IFT74: variants seen among roughly 807,000 people sequenced by gnomAD.
The protein encoded by IFT74 is intraflagellar transport protein 74 homolog.
Under a neutral mutation model 96.7 loss-of-function variants are expected in IFT74, and 92 were observed. The observed-to-expected ratio is 0.95, with a 90% CI of 0.80 to 1.13. The LOEUF is 1.13. IFT74 is among the 50% of genes most tolerant of loss of function. The pLI, the probability that IFT74 is intolerant of heterozygous loss-of-function variation, is 0.00. For synonymous variants in IFT74, 223 were observed against 213.2 expected (o/e 1.05, Z -0.40); for missense variants, 811 against 698.2 (o/e 1.16, Z -1.82).
chr9:26,969,965 T>C (rs996604735), intron 2 of IFT74, among the ~76,000 whole-genome samples: 26 of 152,210 alleles, frequency 1.7e-4, no homozygotes, highest in African/African-American at 5.8e-4. Flanking sequence ...TTGTTTTGTT[T>C]TGTTTTTTGG....
rs1820557524 is a variant in IFT74 at position 27,064,754 on chromosome 9, T to A, written c.*2018T>A. 6.6e-6 allele frequency among the ~76,000 whole-genome samples: 1 copy of A among 152,152 alleles called. No individual in the cohort carries two copies. Among genetic ancestry groups the A allele is most frequent in the African/African-American group, 2.4e-5 (1 of 41,464 alleles). On this transcript the variant is annotated 3_prime_UTR_variant, in exon 20 of 20. Transcript: ENST00000380062. ...TTTACTTTTTCCTTAGGTTTTTTTT[T>A]ATGATTTCTACTTAAGTGTTCTTGA... is the stretch of plus-strand genomic sequence containing the variant.
In IFT74 at chr9:26,969,565, T is replaced by A. The variant is rs570790558; in HGVS notation, c.120+7478T>A. 2.8e-3 allele frequency among the ~76,000 whole-genome samples: 420 copies of A among 152,238 alleles called. 1 individual carries two copies. Among genetic ancestry groups the A allele is most frequent in the Non-Finnish European group, 5.1e-3 (349 of 67,976 alleles). The stretch of plus-strand genomic sequence containing the variant: ...AAGTGAATATTTCAATTCATTTACA[T>A]TACATTCACAGTTAATAATGATATG... On this transcript the variant is annotated intron_variant, in intron 2 of 19. Transcript: ENST00000380062.
chr9:26,988,035 C>T (rs1827709813), intron 6 of IFT74, among the ~76,000 whole-genome samples: 1 of 152,072 alleles, frequency 6.6e-6, no homozygotes, highest in African/African-American at 2.4e-5. Flanking sequence ...TCACCGCAAC[C>T]TCTGCTTCCC....
chr9:27,045,868 C>G (rs1271490404), intron 14 of IFT74, among the ~76,000 whole-genome samples: 1 of 151,912 alleles, frequency 6.6e-6, no homozygotes, highest in Non-Finnish European at 1.5e-5. Context: ...TTTTTTAAGT[C>G]TTTTGGTAAA....
upstream of IFT74, among the ~76,000 whole-genome samples, chr9:26,955,343 G>A (rs1409199801): frequency 6.6e-6 from 1 of 152,120 alleles, no homozygotes; most frequent in African/African-American, 2.4e-5. Flanking sequence ...TACTGCGGCT[G>A]TCACCCTTAC....
At chr9:26,997,296 T>G (rs1828209468) in intron 8 of IFT74, among the ~76,000 whole-genome samples, 1 of 151,870 alleles carries the variant, frequency 6.6e-6, no homozygotes, top group Non-Finnish European at 1.5e-5. Context: ...TAGTGTTTCT[T>G]CCTGTTTTGC....
intron 6 of IFT74, among the ~76,000 whole-genome samples, chr9:26,988,256 A>G (rs991593829): frequency 6.6e-6 from 1 of 152,042 alleles, no homozygotes; most frequent in African/African-American, 2.4e-5. Context: ...CCGGCTTACT[A>G]GTGTAAATTT....
chr9:26,954,680 G>A (rs1368531467), upstream of IFT74, among the ~76,000 whole-genome samples: 1 of 151,364 alleles, frequency 6.6e-6, no homozygotes, highest in Admixed American at 6.6e-5. Context: ...CAGGACTTTG[G>A]ACAGTGAAAA....
chr9:26,996,475 C>A, intron 8 of IFT74: 18 of 1,506,018 alleles, frequency 1.2e-5, no homozygotes, highest in Non-Finnish European at 1.5e-5. Flanking sequence ...GTTGGGGTAG[C>A]TACACATGGT....
intron 8 of IFT74, chr9:26,997,958 T>A: frequency 6.2e-7 from 1 of 1,613,902 alleles, no homozygotes; most frequent in East Asian, 2.2e-5. Flanking sequence ...CTGTTTTAGT[T>A]TATTTAAGCC....
intron 4 of IFT74, among the ~76,000 whole-genome samples, chr9:26,981,377 G>A (rs146856046): frequency 0.04 from 6,072 of 151,878 alleles, 203 homozygotes; most frequent in South Asian, 0.13. Flanking sequence ...TTCCCAAAGT[G>A]CTGGGATTAT....
At chr9:27,033,575 A>G (rs893942814) in intron 13 of IFT74, among the ~76,000 whole-genome samples, 1 of 137,262 alleles carries the variant, frequency 7.3e-6, no homozygotes, top group Non-Finnish European at 1.5e-5. Context: ...CCCTGTCTCA[A>G]AAAAAAAAAA....
At chr9:27,036,860 G>T (rs1437995728) in intron 13 of IFT74, 1 of 1,013,586 alleles carries the variant, frequency 9.9e-7, no homozygotes, top group Non-Finnish European at 1.2e-6. Flanking sequence ...GCTGACATTT[G>T]TGGAAGTTTT....
chr9:26,980,679 CAAAAT>C, intron 4 of IFT74, 60 bp downstream of exon 4: 1 of 1,068,448 alleles, frequency 9.4e-7, no homozygotes. Flanking sequence ...TACCTTCTGT[CAAAAT>C]AGAGTATATA....
intron 12 of IFT74, among the ~76,000 whole-genome samples, chr9:27,028,289 A>G (rs997191918): frequency 6.6e-6 from 1 of 152,118 alleles, no homozygotes. Context: ...CTCATTTTTG[A>G]GACTAATTTT....
chr9:26,968,063 T>C (rs1287359620), intron 2 of IFT74, among the ~76,000 whole-genome samples: 1 of 140,758 alleles, frequency 7.1e-6, no homozygotes, highest in Non-Finnish European at 1.5e-5. Context: ...TCATATGTCT[T>C]GTCTTTTTTT....
chr9:26,980,704 T>A, intron 4 of IFT74, 85 bp downstream of exon 4: 1 of 855,902 alleles, frequency 1.2e-6, no homozygotes, highest in East Asian at 2.6e-5. Context: ...AACTTTAATA[T>A]GAAGTTTTAG....
chr9:27,038,648 G>A (rs1235481552), intron 13 of IFT74, among the ~76,000 whole-genome samples: 2 of 152,168 alleles, frequency 1.3e-5, no homozygotes, highest in Non-Finnish European at 2.9e-5. Context: ...GGGTGACTTC[G>A]AGGAACACAT....
At chr9:26,971,357 G>C (rs1459824509) in intron 2 of IFT74, among the ~76,000 whole-genome samples, 2 of 152,000 alleles carry the variant, frequency 1.3e-5, no homozygotes, top group African/African-American at 4.8e-5. Flanking sequence ...TGTAAATTCT[G>C]ATACACCCAT....
Sources: gnomAD v4.1 joint callset for allele counts (sites outside exome capture counted in the v4.1 genomes callset) on GRCh38, gnomAD v4.1.1 for gene constraint, MANE v1.5 for transcripts, NCBI Gene and HGNC (gene_info 2026-07-23, HGNC 2026-07-21) for gene names.